CDK19: variants seen among roughly 807,000 people sequenced by gnomAD.
CDK19 encodes cyclin dependent kinase 19, also known as cyclin-dependent kinase 19.
CDK19 carries 20 observed loss-of-function variants against 68.3 expected under a neutral mutation model. The observed-to-expected ratio is 0.29, with a 90% CI of 0.21 to 0.43. The LOEUF (loss-of-function observed/expected upper bound fraction) is 0.43, where lower values mean the gene tolerates loss of function less well. Ranked by LOEUF, CDK19 falls within the 20% of genes least tolerant of loss-of-function variation. The pLI, the probability that CDK19 is intolerant of heterozygous loss-of-function variation, is 1.00. For synonymous variants in CDK19, 221 were observed against 222.8 expected (o/e 0.99, Z 0.07); for missense variants, 339 against 623.5 (o/e 0.54, Z 4.86).
At position 110,720,110 on chromosome 6, in the gene CDK19, G is replaced by T. The variant is rs545206626; in HGVS notation, c.204+26016C>A. Reference sequence around the variant, plus strand: ...AAGTGTTCTGAAAACCCTGATTCATGAAGTCATGTAGCAGCAAAGAGAACC... The same window carrying T: ...AAGTGTTCTGAAAACCCTGATTCATTAAGTCATGTAGCAGCAAAGAGAACC... On this transcript the variant is annotated intron_variant, in intron 2 of 12. Coordinates refer to ENST00000368911, the MANE Select transcript of CDK19 (RefSeq NM_015076.5). Among the ~76,000 whole-genome samples the T allele has an allele frequency of 1.1e-4, 16 of 151,942 alleles. No individual in the cohort carries two copies. The East Asian group carries it at 3.1e-3, about 29-fold the overall frequency.
intron 5 of CDK19, among the ~76,000 whole-genome samples, chr6:110,633,352 C>A (rs1375076403): frequency 2.0e-5 from 3 of 152,184 alleles, no homozygotes; most frequent in Admixed American, 6.5e-5. Context: ...ATATATATAT[C>A]TTTTCCCAAT....
intron 8 of CDK19, among the ~76,000 whole-genome samples, chr6:110,623,896 T>TGTATATATATAC (rs1562130229): frequency 1.9e-5 from 2 of 103,302 alleles, no homozygotes; most frequent in East Asian, 6.5e-4. Flanking sequence ...TATATGTGTG[T>TGTATATATATAC]GTATATATAT....
At chr6:110,705,115 A>T (rs1004574597) in intron 2 of CDK19, among the ~76,000 whole-genome samples, 2 of 150,522 alleles carry the variant, frequency 1.3e-5, no homozygotes, top group Non-Finnish European at 2.9e-5. Flanking sequence ...ATCTCAGCTC[A>T]CCGCAGCCTC....
intron 1 of CDK19, among the ~76,000 whole-genome samples, chr6:110,777,543 G>A (rs1780493892): frequency 6.6e-6 from 1 of 152,236 alleles, no homozygotes; most frequent in African/African-American, 2.4e-5. Flanking sequence ...ACTGTTGGCA[G>A]GAGCATAAAA....
At chr6:110,805,265 A>G (rs1782603694) in intron 1 of CDK19, among the ~76,000 whole-genome samples, 2 of 152,186 alleles carry the variant, frequency 1.3e-5, no homozygotes, top group Non-Finnish European at 2.9e-5. Flanking sequence ...TTGTCATGCT[A>G]GTTGTTCATC....
At position 110,622,156 on chromosome 6, in the gene CDK19, C is replaced by T. The variant is rs760899404; in HGVS notation, c.1042G>A (p.Gly348Ser). Residue 348 changes from glycine (G) to serine (S), a missense_variant, in exon 11 of 13, where the codon GGC becomes AGC. By Grantham distance (56) the Gly-to-Ser change is moderately conservative. Around this residue, in one of 4 missense-constraint regions of CDK19, gnomAD observed 155 missense variants for 222.7 expected, o/e 0.70. Coordinates refer to ENST00000368911, the MANE Select transcript of CDK19 (RefSeq NM_015076.5). ...DPLPTLDVFAGCQIPYPKREF... is the reference protein window; with the variant it reads ...DPLPTLDVFASCQIPYPKREF... ...CGTTTGGGGTATGGAATCTGGCAGC[C>T]GGCAAATACACTAAAAATCATTAAA... The T allele has an allele frequency of 8.1e-6, 13 of 1,605,186 alleles. No homozygotes were observed. The highest frequency in any genetic ancestry group is 3.4e-5 in the Admixed American group (2 of 59,360).
intron 2 of CDK19, among the ~76,000 whole-genome samples, chr6:110,736,464 T>A (rs1212734802): frequency 6.6e-6 from 1 of 152,208 alleles, no homozygotes; most frequent in Non-Finnish European, 1.5e-5. Context: ...CCCAAGTCTA[T>A]CTGAATCCAA....
At chr6:110,670,818 T>G in intron 2 of CDK19, 1 of 525,850 alleles carries the variant, frequency 1.9e-6, no homozygotes, top group Non-Finnish European at 3.6e-6. Flanking sequence ...GGAATGTGTT[T>G]TTAAAAATAG....
At chr6:110,641,967 A>G (rs1780217373) in intron 4 of CDK19, among the ~76,000 whole-genome samples, 1 of 152,232 alleles carries the variant, frequency 6.6e-6, no homozygotes, top group Non-Finnish European at 1.5e-5. Context: ...TTTGGTGTAG[A>G]AATGCAACTG....
intron 1 of CDK19, among the ~76,000 whole-genome samples, chr6:110,764,965 AAAT>A (rs1779474375): frequency 6.7e-6 from 1 of 150,322 alleles, no homozygotes; most frequent in African/African-American, 2.4e-5. Context: ...ATAAATAAAT[AAAT>A]AAATAAATAA....
intron 4 of CDK19, chr6:110,645,948 G>A: frequency 1.8e-6 from 2 of 1,140,054 alleles, no homozygotes; most frequent in Non-Finnish European, 2.5e-6. Flanking sequence ...GCGAGCCACC[G>A]ACCGCGAGGG....
intron 5 of CDK19, 31 bp downstream of exon 5, chr6:110,638,618 T>C (rs774397399): frequency 3.5e-6 from 4 of 1,148,012 alleles, no homozygotes; most frequent in South Asian, 2.6e-5. Flanking sequence ...CTTCAGTTTT[T>C]AAATAAATTA....
At chr6:110,754,109 A>T (rs1000832778) in intron 1 of CDK19, among the ~76,000 whole-genome samples, 1 of 150,016 alleles carries the variant, frequency 6.7e-6, no homozygotes, top group African/African-American at 2.5e-5. Context: ...GGCTCACTGC[A>T]GCCTCAACCT....
rs537948722 is a variant in CDK19 at position 110,612,691 on chromosome 6, A to C, written c.*1844T>G. On this transcript the variant is annotated 3_prime_UTR_variant, in exon 13 of 13. Transcript: ENST00000368911. ...GCATATAGGCAGCTACATTATGCAG[A>C]GGGCTGCTAATTTCTTATTTTAAAA... 6.6e-6 allele frequency: 1 copy of C among 152,428 alleles called. No homozygotes were observed. Among genetic ancestry groups the C allele is most frequent in the African/African-American group, 2.4e-5 (1 of 41,584 alleles). The allele number at this position is 152,428 out of a possible 1,614,324, so 9.4% of individuals were successfully genotyped here. A position where few individuals can be genotyped will look rare whatever the true frequency, so the allele number is the denominator to read the frequency against.
At chr6:110,701,855 T>C (rs1376824309) in intron 2 of CDK19, among the ~76,000 whole-genome samples, 1 of 151,762 alleles carries the variant, frequency 6.6e-6, no homozygotes. Context: ...AGAGGCCAGG[T>C]GGATGGGCCA....
At chr6:110,713,121 AG>A (rs1775074487) in intron 2 of CDK19, among the ~76,000 whole-genome samples, 1 of 149,588 alleles carries the variant, frequency 6.7e-6, no homozygotes, top group Non-Finnish European at 1.5e-5. Context: ...CGCTTGAACC[AG>A]GGAGTTGGAG....
intron 4 of CDK19, among the ~76,000 whole-genome samples, chr6:110,660,301 C>A (rs181797796): frequency 5.3e-5 from 8 of 152,068 alleles, no homozygotes; most frequent in Non-Finnish European, 1.2e-4. Flanking sequence ...GGAGCCGGGG[C>A]GAGTACTTTT....
intron 2 of CDK19, among the ~76,000 whole-genome samples, chr6:110,677,111 T>C (rs1304326546): frequency 6.6e-6 from 1 of 152,198 alleles, no homozygotes; most frequent in African/African-American, 2.4e-5. Flanking sequence ...GTTACCTATA[T>C]CTATTTTGTT....
chr6:110,663,762 C>A (rs1781753531), intron 4 of CDK19, among the ~76,000 whole-genome samples: 1 of 152,120 alleles, frequency 6.6e-6, no homozygotes, highest in African/African-American at 2.4e-5. Context: ...AACTCCTGGG[C>A]TCAAGTGATC....
Sources: gnomAD v4.1 joint callset for allele counts (sites outside exome capture counted in the v4.1 genomes callset) on GRCh38, gnomAD v4.1.1 for gene constraint, gnomAD v4.1.1 regional missense constraint, MANE v1.5 for transcripts, NCBI Gene and HGNC (gene_info 2026-07-23, HGNC 2026-07-21) for gene names.